The following NCOA6 variants were observed in gnomAD, a reference collection of about 807,000 sequenced individuals.
The protein encoded by NCOA6 is NRC RAP250.
Under a neutral mutation model 171.4 loss-of-function variants are expected in NCOA6, and 49 were observed. That is an observed-to-expected ratio of 0.29 (90% CI 0.23 to 0.36). NCOA6 has a LOEUF of 0.36. NCOA6 is among the 10% of genes least tolerant of loss of function. The pLI is 1.00. For synonymous variants in NCOA6, 910 were observed against 927.5 expected (o/e 0.98, Z 0.34); for missense variants, 2,248 against 2,554.5 (o/e 0.88, Z 2.59).
At chr20:34,801,295 A>G (rs1050899077) in intron 1 of NCOA6, among the ~76,000 whole-genome samples, 3 of 152,186 alleles carry the variant, frequency 2.0e-5, no homozygotes, top group Non-Finnish European at 4.4e-5. Flanking sequence ...TGTATCTTAA[A>G]GAATTAGAAA....
At chr20:34,758,167 G>A (rs2076708164) in intron 6 of NCOA6, 63 bp from the exon 7 acceptor site, 1 of 1,532,882 alleles carries the variant, frequency 6.5e-7, no homozygotes, top group Admixed American at 2.0e-5. Flanking sequence ...TAGAGAAGTG[G>A]CCTTTGTAAT....
chr20:34,776,506 G>A (rs773494070), intron 3 of NCOA6, 58 bp from the exon 4 acceptor site: 36 of 1,584,644 alleles, frequency 2.3e-5, no homozygotes, highest in Non-Finnish European at 3.0e-5. Flanking sequence ...AGAGGAGATG[G>A]AATTAAAAAA....
At chr20:34,717,450 CA>C (rs955343027) in intron 14 of NCOA6, among the ~76,000 whole-genome samples, 2 of 150,976 alleles carry the variant, frequency 1.3e-5, no homozygotes, top group African/African-American at 4.9e-5. Context: ...GACTCCGTCT[CA>C]AAAAAAATAA....
intron 8 of NCOA6, among the ~76,000 whole-genome samples, chr20:34,751,222 T>C (rs966614520): frequency 7.0e-6 from 1 of 143,430 alleles, no homozygotes; most frequent in South Asian, 2.2e-4. Context: ...TACAAAAAAT[T>C]AGCCGGGCGC....
chr20:34,741,810 A>G lies in NCOA6; in HGVS notation c.4446T>C (p.Pro1482=), dbSNP rs2076152610. ...ACGATGTTGGTGCTTCCCTCATAGC[A>G]GGAGACACCAAATTTTTGTTCTCTT... ...SVEENKNLVS[P]AMREAPTSLS... Residue 1482 remains proline, a synonymous_variant, in exon 11 of 15, where the codon CCT becomes CCC. Transcript: ENST00000359003. 4 of 1,614,080 alleles carry G rather than the reference A, an allele frequency of 2.5e-6. No individual in the cohort carries two copies. The East Asian group carries it at 6.7e-5, about 27-fold the overall frequency.
In NCOA6 at chr20:34,740,820, C is replaced by A. The variant is rs761145591; in HGVS notation, c.5436G>T (p.Ser1812=). The A allele has an allele frequency of 6.2e-7, 1 of 1,614,196 alleles. No homozygotes were observed. ...CCACTTTTCCTTTGCCCTTACTAGA[C>A]GAGACTGGGCTTCGCCGGTTGCCAG... The part of the protein sequence containing the change: ...GSSGNRRSPV[S]SSKGKGKVDK... Residue 1812 remains serine (S), a synonymous_variant, in exon 11 of 15, where the codon TCG becomes TCT. Transcript: ENST00000359003.
In NCOA6 at chr20:34,775,415, G is replaced by T. The variant is rs568277451; in HGVS notation, c.391+878C>A. On this transcript the variant is annotated intron_variant, in intron 4 of 14. Transcript: ENST00000359003. Reference sequence around the variant, plus strand: ...ATACTGAAAATGAACACTGCGGGCCGGCGTGATGGCCTGTAATCCCAGCAC... The same window carrying T: ...ATACTGAAAATGAACACTGCGGGCCTGCGTGATGGCCTGTAATCCCAGCAC... Among the ~76,000 whole-genome samples the T allele has an allele frequency of 5.9e-5, 9 of 152,140 alleles. No individual in the cohort carries two copies. The South Asian group carries it at 1.9e-3, about 32-fold the overall frequency.
Position 34,749,764 on chromosome 20 carries a change from C to A in NCOA6, c.2431G>T (p.Asp811Tyr), listed in dbSNP as rs755330543. 3 of 1,614,082 alleles carry A rather than the reference C, an allele frequency of 1.9e-6. No individual in the cohort carries two copies. The highest frequency in any genetic ancestry group is 2.5e-6 in the Non-Finnish European group (3 of 1,180,044). ...HGDPATTANN[D>Y]VSLSQMMPDV... ...GGCATCATCTGAGATAAACTGACAT[C>A]GTTATTTGCTGTAGTAGCAGGATCA... The change falls in exon 9 of 15, where the codon GAT (aspartate) becomes TAT (tyrosine). Residue 811 changes from aspartate (D) to tyrosine (Y), a missense_variant. This residue lies in a region of NCOA6 where 987 missense variants were observed against 1,104.7 expected (regional missense o/e 0.89). Coordinates refer to ENST00000359003, the MANE Select transcript of NCOA6 (RefSeq NM_014071.5).
At chr20:34,771,918 G>A (rs188416760) in intron 4 of NCOA6, among the ~76,000 whole-genome samples, 13 of 152,224 alleles carry the variant, frequency 8.5e-5, no homozygotes, top group Non-Finnish European at 2.9e-5. Context: ...TCACTCACTC[G>A]TTTTCTTGCT....
At chr20:34,721,455 T>C (rs1989330654) in intron 14 of NCOA6, among the ~76,000 whole-genome samples, 1 of 150,040 alleles carries the variant, frequency 6.7e-6, no homozygotes, top group Admixed American at 6.7e-5. Context: ...TTAAAAGTGG[T>C]CCCCAACCTT....
chr20:34,811,837 T>C (rs1568893133), intron 1 of NCOA6, among the ~76,000 whole-genome samples: 1 of 152,230 alleles, frequency 6.6e-6, no homozygotes, highest in Non-Finnish European at 1.5e-5. Flanking sequence ...TTATAAGACA[T>C]TGTTAAAGTG....
At chr20:34,720,686 C>T (rs1444322400) in intron 14 of NCOA6, among the ~76,000 whole-genome samples, 3 of 152,218 alleles carry the variant, frequency 2.0e-5, no homozygotes, top group Admixed American at 6.5e-5. Flanking sequence ...CTTTCCCCCT[C>T]AAAACTTTAC....
At chr20:34,730,358 G>T (rs1355007809) in intron 13 of NCOA6, among the ~76,000 whole-genome samples, 1 of 151,868 alleles carries the variant, frequency 6.6e-6, no homozygotes, top group East Asian at 1.9e-4. Context: ...AAATGCTGGG[G>T]TTACAGGCAT....
chr20:34,759,217 T>C (rs1350999197), intron 5 of NCOA6, among the ~76,000 whole-genome samples: 1 of 151,964 alleles, frequency 6.6e-6, no homozygotes, highest in Non-Finnish European at 1.5e-5. Context: ...AATCGTTCTA[T>C]ATTTTATAGA....
At chr20:34,747,709 TAC>T (rs1213144032) in intron 9 of NCOA6, among the ~76,000 whole-genome samples, 2 of 152,186 alleles carry the variant, frequency 1.3e-5, no homozygotes, top group Admixed American at 6.5e-5. Flanking sequence ...TTATACTCTG[TAC>T]AGTTTCATAA....
intron 1 of NCOA6, among the ~76,000 whole-genome samples, chr20:34,814,973 C>T (rs1346757770): frequency 6.6e-6 from 1 of 152,164 alleles, no homozygotes; most frequent in African/African-American, 2.4e-5. Context: ...TCAGGAAGAA[C>T]TGCCTGGGCA....
chr20:34,778,817 G>C (rs1407387397), intron 3 of NCOA6, among the ~76,000 whole-genome samples: 1 of 151,962 alleles, frequency 6.6e-6, no homozygotes. Context: ...AAATTAGCCT[G>C]GTGTGGTGGC....
intron 2 of NCOA6, among the ~76,000 whole-genome samples, chr20:34,792,094 G>A (rs1023762550): frequency 4.6e-5 from 7 of 152,072 alleles, no homozygotes; most frequent in Non-Finnish European, 8.8e-5. Context: ...TGTTGAGTTT[G>A]CAACTTTCAA....
chr20:34,789,587 A>T (rs1422099410), intron 2 of NCOA6, among the ~76,000 whole-genome samples: 1 of 152,204 alleles, frequency 6.6e-6, no homozygotes, highest in Non-Finnish European at 1.5e-5. Context: ...AGCCTGGGGA[A>T]CATGGTGAAA....
Sources: allele counts gnomAD v4.1 joint callset (sites outside exome capture counted in the v4.1 genomes callset), GRCh38; gene constraint gnomAD v4.1.1; regional missense constraint gnomAD v4.1.1; transcripts MANE v1.5; gene names NCBI Gene and HGNC (gene_info 2026-07-23, HGNC 2026-07-21).